The following LRR1 variants were observed in gnomAD, a reference collection of about 807,000 sequenced individuals.
LRR1 encodes leucine-rich repeat protein 1.
A neutral mutation model predicts 31.6 loss-of-function variants in LRR1; 29 were observed. The observed-to-expected ratio is 0.92, with a 90% confidence interval of 0.68 to 1.25. The LOEUF (loss-of-function observed/expected upper bound fraction) is 1.25. Among genes scored for constraint, LRR1 ranks in the 50% most tolerant of loss-of-function variants. The pLI is 0.00. For synonymous variants in LRR1, 179 were observed against 181.4 expected (o/e 0.99, Z 0.10); for missense variants, 485 against 487.2 (o/e 1.00, Z 0.04).
rs370881845 is a variant in LRR1, at chr14:49,602,332, AT to A, written c.184-36del. The A allele has an allele frequency of 1.6e-4, 239 of 1,538,804 alleles. 1 individual carries two copies. In the African/African-American group the frequency reaches 2.9e-3, roughly 18 times the overall value. On this transcript the variant is annotated intron_variant, in intron 1 of 3. Coordinates refer to ENST00000298288, the MANE Select transcript of LRR1 (RefSeq NM_152329.4). ...TAATAAATGTTACTGAGTAACAATA[AT>A]TAGTTTTCTTCTTTTTTTTCTATTG...
At chr14:49,610,647 C>G (rs916443831) in intron 3 of LRR1, among the ~76,000 whole-genome samples, 1 of 150,106 alleles carries the variant, frequency 6.7e-6, no homozygotes, top group African/African-American at 2.5e-5. Flanking sequence ...ACTGCAACCT[C>G]TGCCTCCCAG....
rs562913756 is a variant in LRR1 at position 49,601,197 on chromosome 14, T to C, written c.184-1173T>C. The stretch of plus-strand genomic sequence containing the variant: ...AGCACAAGTGTAACCTAAATATTTC[T>C]ATATTAAAGCTTAATGTGCTTTCTT... On this transcript the variant is annotated intron_variant, in intron 1 of 3. Transcript: ENST00000298288. 25 of 1,522,016 alleles carry C rather than the reference T, an allele frequency of 1.6e-5. 1 individual carries two copies. In the South Asian group the frequency reaches 3.0e-4, roughly 19 times the overall value. 94.3% of individuals were successfully genotyped at this position (1,522,016 alleles called of 1,614,324 possible). A position where few individuals can be genotyped will look rare whatever the true frequency, so the allele number is the denominator to read the frequency against.
chr14:49,602,857 C>T (rs150492808), intron 2 of LRR1, among the ~76,000 whole-genome samples: 2,327 of 151,902 alleles, frequency 0.015, 57 homozygotes, highest in African/African-American at 0.054. Flanking sequence ...TGTTTTGAGA[C>T]GGAGTTTTGC....
At chr14:49,611,827 G>A (rs1404287396) in intron 3 of LRR1, among the ~76,000 whole-genome samples, 1 of 151,836 alleles carries the variant, frequency 6.6e-6, no homozygotes, top group Non-Finnish European at 1.5e-5. Flanking sequence ...GGAGGCTGAG[G>A]CAGGATATAT....
intron 1 of LRR1, among the ~76,000 whole-genome samples, chr14:49,602,046 T>C (rs1181462703): frequency 6.6e-6 from 1 of 151,504 alleles, no homozygotes. Context: ...GTCATGGGAA[T>C]TGCTTGAACC....
Position 49,599,089 on chromosome 14 carries a change from C to A in LRR1, c.69C>A (p.Gly23=). The change falls in exon 1 of 4, where the codon GGC becomes GGA. Residue 23 remains glycine (G), a synonymous_variant. Transcript: ENST00000298288. ...HLPALGLRNR[G]KGVRAVLSLC... ...CCGCCTTGGGGCTTAGGAACCGGGG[C>A]AAGGGCGTCCGAGCCGTGTTGAGCC... 6.2e-7 allele frequency: 1 copy of A among 1,608,002 alleles called. No homozygotes were observed. Among genetic ancestry groups the A allele is most frequent in the Non-Finnish European group, 8.5e-7 (1 of 1,177,526 alleles).
chr14:49,612,677 G>A (rs748749017), intron 3 of LRR1: 9 of 1,015,914 alleles, frequency 8.9e-6, no homozygotes, highest in Non-Finnish European at 9.6e-6. Context: ...TTTTCTGACA[G>A]GGTTTTAAAC....
chr14:49,603,400 C>T (rs575314427), intron 2 of LRR1, among the ~76,000 whole-genome samples: 57 of 152,042 alleles, frequency 3.7e-4, no homozygotes, highest in Non-Finnish European at 5.6e-4. Flanking sequence ...GGCAACTGCA[C>T]AGGTCTACAT....
At chr14:49,606,001 A>G (rs1233266997) in intron 2 of LRR1, among the ~76,000 whole-genome samples, 11 of 146,484 alleles carry the variant, frequency 7.5e-5, no homozygotes, top group Admixed American at 4.8e-4. Context: ...CATAGCTTCC[A>G]TGTTCCAACA....
Position 49,599,038 on chromosome 14 carries a change from G to A in LRR1, c.18G>A (p.Glu6=). Residue 6 remains glutamate, a synonymous_variant, in exon 1 of 4, where the codon GAG becomes GAA. Coordinates refer to ENST00000298288, the MANE Select transcript of LRR1 (RefSeq NM_152329.4). Reference sequence around the variant, plus strand: ...TGGGCGAGATGAAGCTACACTGTGAGGTGGAGGTGATCAGCCGGCACTTGC... The same window carrying A: ...TGGGCGAGATGAAGCTACACTGTGAAGTGGAGGTGATCAGCCGGCACTTGC... MKLHC[E]VEVISRHLPA... is the part of the protein sequence containing the mutation. The A allele has an allele frequency of 6.2e-7, 1 of 1,609,608 alleles. No homozygotes were observed. Among genetic ancestry groups the A allele is most frequent in the Non-Finnish European group, 8.5e-7 (1 of 1,178,084 alleles).
rs554752172 is a variant in LRR1, at chr14:49,614,565, C to G, written c.*69C>G. On this transcript the variant is annotated 3_prime_UTR_variant, in exon 4 of 4. Transcript: ENST00000298288. ...GGGTGCATGTATGATTTTGCAGCGT[C>G]AAATTGGAGTAAGGGAAGATTTCTG... is the stretch of plus-strand genomic sequence containing the variant. 2.1e-5 allele frequency: 34 copies of G among 1,590,712 alleles called. No homozygotes were observed. The East Asian group carries it at 6.3e-4, about 29-fold the overall frequency.
At chr14:49,600,493 C>T (rs1260452672) in intron 1 of LRR1, 1 of 1,580,316 alleles carries the variant, frequency 6.3e-7, no homozygotes, top group African/African-American at 1.4e-5. Flanking sequence ...TCAGCTTTAA[C>T]CCAGAAGGGA....
At position 49,599,880 on chromosome 14, in the gene LRR1, C is replaced by T. The variant is rs1366758645; in HGVS notation, c.183+677C>T. ...GCTTGGGGCCGGGGGGGCGGCCCCG[C>T]GGCGTGGAGCGGCGGCGACGGCGGC... is the stretch of plus-strand genomic sequence containing the variant. On this transcript the variant is annotated intron_variant, in intron 1 of 3. Coordinates refer to ENST00000298288, the MANE Select transcript of LRR1 (RefSeq NM_152329.4). The T allele has an allele frequency of 1.3e-4, 75 of 597,752 alleles. 1 individual carries two copies. In the South Asian group the frequency reaches 4.6e-3, roughly 37 times the overall value. The allele number at this position is 597,752 out of a possible 1,614,324, so 37.0% of individuals were successfully genotyped here.
intron 2 of LRR1, among the ~76,000 whole-genome samples, chr14:49,605,935 G>A (rs543330686): frequency 2.6e-5 from 4 of 151,836 alleles, no homozygotes; most frequent in African/African-American, 9.7e-5. Context: ...CTTTACGTTG[G>A]CATCTGAGCT....
intron 1 of LRR1, chr14:49,601,500 A>G (rs1024601656): frequency 1.4e-6 from 1 of 689,992 alleles, no homozygotes; most frequent in African/African-American, 1.8e-5. Flanking sequence ...ATAATCATTA[A>G]ATTTTTTTTG....
chr14:49,600,337 C>T (rs1373418837), intron 1 of LRR1: 3 of 1,536,728 alleles, frequency 2.0e-6, no homozygotes, highest in South Asian at 2.2e-5. Context: ...CCAAATGTAC[C>T]CTTTTTATTA....
intron 2 of LRR1, among the ~76,000 whole-genome samples, chr14:49,605,143 C>T (rs879774593): frequency 1.3e-5 from 2 of 152,172 alleles, no homozygotes; most frequent in Admixed American, 6.5e-5. Flanking sequence ...AATCTGTCCA[C>T]GTTGGCCTCC....
At position 49,598,974 on chromosome 14, in the gene LRR1, G is replaced by A. The variant is rs1002568628; in HGVS notation, c.-47G>A. ...GATGGCGGCGCCGGGTGGCGGGAAG[G>A]AGGAAGTTTCAAAGCCAGCTTGACG... On this transcript the variant is annotated 5_prime_UTR_variant, in exon 1 of 4. Coordinates refer to ENST00000298288, the MANE Select transcript of LRR1 (RefSeq NM_152329.4). 1.5e-5 allele frequency: 23 copies of A among 1,557,526 alleles called. No homozygotes were observed. Among genetic ancestry groups the A allele is most frequent in the Non-Finnish European group, 1.9e-5 (22 of 1,148,600 alleles).
rs568494505 is a variant in LRR1 at position 49,614,659 on chromosome 14, C to G, written c.*163C>G. On this transcript the variant is annotated 3_prime_UTR_variant, in exon 4 of 4. Coordinates refer to ENST00000298288, the MANE Select transcript of LRR1 (RefSeq NM_152329.4). ...ATGACTCCAAAACTTTTATTAAAAC[C>G]AATTTTAGTTTTACTGTGGTGTTAA... 6 of 947,548 alleles carry G rather than the reference C, an allele frequency of 6.3e-6. No individual in the cohort carries two copies. The African/African-American group carries it at 6.6e-5, about 10-fold the overall frequency. 58.7% of individuals were successfully genotyped at this position (947,548 alleles called of 1,614,324 possible). A position where few individuals can be genotyped will look rare whatever the true frequency, so the allele number is the denominator to read the frequency against.
Sources: allele counts gnomAD v4.1 joint callset (sites outside exome capture counted in the v4.1 genomes callset), GRCh38; gene constraint gnomAD v4.1.1; transcripts MANE v1.5; gene names NCBI Gene and HGNC (gene_info 2026-07-23, HGNC 2026-07-21).